ATP1B4: variants seen among roughly 807,000 people sequenced by gnomAD.
ATP1B4 encodes ATPase Na+/K+ transporting family member beta 4.
A neutral mutation model predicts 29.6 loss-of-function variants in ATP1B4; 32 were observed. The ratio of observed to expected loss-of-function variants is 1.08; its 90% CI spans 0.82 to 1.45. The LOEUF (loss-of-function observed/expected upper bound fraction) is 1.45. Among genes scored for constraint, ATP1B4 ranks in the 40% most tolerant of loss-of-function variants. The pLI is 0.00. For missense variants in ATP1B4, 323 were observed against 276.2 expected (o/e 1.17, Z -1.20); for synonymous variants, 127 against 102.1 (o/e 1.24, Z -1.47).
intron 2 of ATP1B4, among the ~76,000 whole-genome samples, chrX:120,369,773 T>A: frequency 8.9e-6 from 1 of 111,985 alleles, no homozygotes; most frequent in South Asian, 3.7e-4. Context: ...TGACTGCCAT[T>A]TATGGTGCAA....
chrX:120,376,357 A>C (rs1400628050), intron 5 of ATP1B4, 23 bp from the exon 6 acceptor site: 1 of 1,203,810 alleles, frequency 8.3e-7, no homozygotes, highest in Admixed American at 2.2e-5. Context: ...AAAAAAAATA[A>C]AACACTGGTT....
intron 7 of ATP1B4, 83 bp from the exon 8 acceptor site, chrX:120,379,390 G>A: frequency 3.2e-6 from 3 of 931,402 alleles, no homozygotes; most frequent in Non-Finnish European, 4.4e-6. Flanking sequence ...TCTTTGTGAG[G>A]GTTGTCATCC....
At chrX:120,368,876 G>A (rs899012049) in intron 2 of ATP1B4, among the ~76,000 whole-genome samples, 1 of 111,725 alleles carries the variant, frequency 9.0e-6, no homozygotes, top group Non-Finnish European at 1.9e-5. Context: ...ATCCAGGGCA[G>A]AAAGTGTCAG....
At position 120,366,684 on chromosome X, in the gene ATP1B4, G is replaced by T; in HGVS notation, c.223G>T (p.Gly75Cys). 2 of 1,211,427 alleles carry T rather than the reference G, an allele frequency of 1.7e-6. No individual in the cohort carries two copies. Among genetic ancestry groups the T allele is most frequent in the Non-Finnish European group, 2.2e-6 (2 of 895,378 alleles). Residue 75 changes from glycine (G) to cysteine (C), a missense_variant, in exon 2 of 8, where the codon GGT becomes TGT. By Grantham distance (159) the Gly-to-Cys change is radical (BLOSUM62 -3). Transcript: ENST00000218008. ...GGAAAAGGAGGAGGAAGAGGGTCAA[G>T]GTCAGCCAACAGGCAATGCCTGGTG... ...EEEKEEEEGQ[G>C]QPTGNAWWQK...
In ATP1B4 at chrX:120,379,579, T is replaced by G. The variant is rs1409946621; in HGVS notation, c.1019T>G (p.Val340Gly). Residue 340 changes from valine to glycine, a missense_variant, in exon 8 of 8, where the codon GTC becomes GGC. By Grantham distance (109) the Val-to-Gly change is moderately radical. Coordinates refer to ENST00000218008, the MANE Select transcript of ATP1B4 (RefSeq NM_001142447.3). ...AAGGGCAAAGGCGTCATAAATGATG[T>G]CATCAATGATCGTTTTGTGGGCAGG... The part of the protein sequence containing the change: ...QLKGKGVIND[V>G]INDRFVGRVI... The G allele has an allele frequency of 5.0e-6, 6 of 1,210,888 alleles. No individual in the cohort carries two copies. The South Asian group carries it at 8.8e-5, about 18-fold the overall frequency.
At chrX:120,370,679 A>G (rs1204399579) in intron 2 of ATP1B4, 36 bp from the exon 3 acceptor site, 1 of 1,204,714 alleles carries the variant, frequency 8.3e-7, no homozygotes, top group South Asian at 1.8e-5. Flanking sequence ...GCTTGTTGGC[A>G]AGCACTGACC....
At position 120,379,698 on chromosome X, in the gene ATP1B4, A is replaced by G; in HGVS notation, c.*64A>G. ...TTTATCTCATGGTATCTCTGGTAGC[A>G]CCTGAATTCTTTTTCTTCAATTAGG... On this transcript the variant is annotated 3_prime_UTR_variant, in exon 8 of 8. Coordinates refer to ENST00000218008, the MANE Select transcript of ATP1B4 (RefSeq NM_001142447.3). 9.2e-7 allele frequency: 1 copy of G among 1,083,195 alleles called. No homozygotes were observed. Among genetic ancestry groups the G allele is most frequent in the African/African-American group, 1.9e-5 (1 of 53,844 alleles). The allele number at this position is 1,083,195 out of a possible 1,213,427, so 89.3% of individuals were successfully genotyped here. A position where few individuals can be genotyped will look rare whatever the true frequency, so the allele number is the denominator to read the frequency against.
intron 4 of ATP1B4, among the ~76,000 whole-genome samples, chrX:120,372,644 C>A (rs2058319576): frequency 8.9e-6 from 1 of 112,112 alleles, no homozygotes; most frequent in Non-Finnish European, 1.9e-5. Flanking sequence ...ACATTCTAGA[C>A]CTGCTGAATC....
Position 120,371,325 on chromosome X carries a change from T to G in ATP1B4, c.562+115T>G, listed in dbSNP as rs1310329610. 7.3e-6 allele frequency: 4 copies of G among 549,123 alleles called. No homozygotes were observed. The African/African-American group carries it at 9.1e-5, about 12-fold the overall frequency. The allele number at this position is 549,123 out of a possible 1,213,427, so 45.3% of individuals were successfully genotyped here. ...CAGTCTTACTAACCCCAACTCATCA[T>G]GGTCTGTCCTTACTTTGCATCCCCC... On this transcript the variant is annotated intron_variant, in intron 4 of 7. Coordinates refer to ENST00000218008, the MANE Select transcript of ATP1B4 (RefSeq NM_001142447.3).
At position 120,371,125 on chromosome X, in the gene ATP1B4, C is replaced by G. The variant is rs188398114; in HGVS notation, c.477C>G (p.Phe159Leu). The change falls in exon 4 of 8, where the codon TTC becomes TTG. Residue 159 changes from phenylalanine (F) to leucine (L), a missense_variant. Phe to Leu is a conservative substitution (Grantham distance 22). Transcript: ENST00000218008. ...TGCCAGGAGTTATGATCAGACCCTT[C>G]GCCCATAGCCTTAACTTCAACTTCA... is the stretch of plus-strand genomic sequence containing the variant. ...VKPPGVMIRP[F>L]AHSLNFNFNV... is the part of the protein sequence containing the mutation. 1.1e-5 allele frequency: 13 copies of G among 1,208,662 alleles called. No homozygotes were observed. Among genetic ancestry groups the G allele is most frequent in the Non-Finnish European group, 3.4e-6 (3 of 893,921 alleles).
chrX:120,374,886 C>G (rs1372660594), intron 4 of ATP1B4, among the ~76,000 whole-genome samples: 1 of 74,689 alleles, frequency 1.3e-5, no homozygotes, highest in African/African-American at 5.3e-5. Flanking sequence ...AAGGGTATAT[C>G]CTTATATATC....
chrX:120,383,090 G>A lies in ATP1B4; in HGVS notation c.*3456G>A, dbSNP rs1173676619. On this transcript the variant is annotated 3_prime_UTR_variant, in exon 8 of 8. Transcript: ENST00000218008. Reference sequence around the variant, plus strand: ...TGGTTTTGTCCATACTGGACTTTGGGTTATGATTTTTCACCTTCTACTCCC... The same window carrying A: ...TGGTTTTGTCCATACTGGACTTTGGATTATGATTTTTCACCTTCTACTCCC... 8.9e-6 allele frequency: 1 copy of A among 112,142 alleles called. No homozygotes were observed. The highest frequency in any genetic ancestry group is 1.9e-5 in the Non-Finnish European group (1 of 53,181). 9.2% of individuals were successfully genotyped at this position (112,142 alleles called of 1,213,427 possible). A position where few individuals can be genotyped will look rare whatever the true frequency, so the allele number is the denominator to read the frequency against.
At chrX:120,373,478 T>C (rs1456596146) in intron 4 of ATP1B4, among the ~76,000 whole-genome samples, 1 of 112,275 alleles carries the variant, frequency 8.9e-6, no homozygotes, top group Non-Finnish European at 1.9e-5. Flanking sequence ...TTACCTCTGG[T>C]AGATCACAGG....
intron 1 of ATP1B4, among the ~76,000 whole-genome samples, chrX:120,364,189 C>A (rs2058275263): frequency 8.9e-6 from 1 of 111,777 alleles, no homozygotes; most frequent in South Asian, 3.8e-4. Context: ...CAGCTGCCTC[C>A]TCTGTGGAAG....
Position 120,370,752 on chromosome X carries a change from C to T in ATP1B4, c.366C>T (p.Ser122=), listed in dbSNP as rs148312279. The change falls in exon 3 of 8, where the codon TCC becomes TCT. Residue 122 remains serine, a synonymous_variant. Transcript: ENST00000218008. ...TCATTTACTTCTTCTTCTATGCCTC[C>T]TTGGCTGCTGTGATCACCCTCTGCA... ...ILLIYFFFYA[S]LAAVITLCMY... is the part of the protein sequence containing the mutation. The T allele has an allele frequency of 3.8e-5, 46 of 1,209,903 alleles. No individual in the cohort carries two copies. Among genetic ancestry groups the T allele is most frequent in the Non-Finnish European group, 5.0e-5 (45 of 895,139 alleles).
Position 120,376,392 on chromosome X carries a change from C to T in ATP1B4, c.772C>T (p.Arg258Cys), listed in dbSNP as rs149447498. 4.1e-5 allele frequency: 49 copies of T among 1,208,271 alleles called. No individual in the cohort carries two copies. The highest frequency in any genetic ancestry group is 2.6e-4 in the African/African-American group (15 of 57,120). Residue 258 changes from arginine (R) to cysteine (C), a missense_variant, in exon 6 of 8, where the codon CGT becomes TGT. Transcript: ENST00000218008. ...TTTCTTTTGATAGATTGTAGGCTTT[C>T]GTCCTGAGCTTGGAGATCCTGTGAA... Reference protein sequence around the residue: ...LLKMNRIVGFRPELGDPVKVS... With the variant: ...LLKMNRIVGFCPELGDPVKVS...
At chrX:120,375,621 G>T in intron 5 of ATP1B4, 53 bp downstream of exon 5, 1 of 1,028,467 alleles carries the variant, frequency 9.7e-7, no homozygotes. Flanking sequence ...TAGATAGGAG[G>T]GCTCTGGCCA....
intron 6 of ATP1B4, among the ~76,000 whole-genome samples, chrX:120,376,960 C>T (rs754212276): frequency 8.9e-6 from 1 of 112,158 alleles, no homozygotes; most frequent in Non-Finnish European, 1.9e-5. Context: ...AACTGTCCTT[C>T]GAGGGACCAT....
At position 120,362,244 on chromosome X, in the gene ATP1B4, G is replaced by A. The variant is rs748040484; in HGVS notation, c.63+13G>A. On this transcript the variant is annotated intron_variant, in intron 1 of 7. Transcript: ENST00000218008. ...TCGCTACAGACTCGTGAGTGCCAGA[G>A]AGCAGAATATTTTGCTGCCCCCTCC... 1.7e-6 allele frequency: 2 copies of A among 1,205,139 alleles called. No homozygotes were observed. The highest frequency in any genetic ancestry group is 5.9e-5 in the East Asian group (2 of 33,786).
Sources: gnomAD v4.1 joint callset for allele counts (sites outside exome capture counted in the v4.1 genomes callset) on GRCh38, gnomAD v4.1.1 for gene constraint, MANE v1.5 for transcripts, NCBI Gene and HGNC (gene_info 2026-07-23, HGNC 2026-07-21) for gene names.